GABRA3: variants seen among roughly 807,000 people sequenced by gnomAD.
GABRA3 encodes the protein gamma-aminobutyric acid receptor subunit alpha-3.
GABRA3 carries 10 observed loss-of-function variants against 30.1 expected under a neutral mutation model. The observed-to-expected ratio is 0.33, with a 90% confidence interval of 0.20 to 0.56. The LOEUF (loss-of-function observed/expected upper bound fraction) is 0.56, where lower values mean the gene tolerates loss of function less well. Among genes scored for constraint, GABRA3 ranks in the 20% least tolerant of loss-of-function variants. The probability of loss-of-function intolerance (pLI) is 0.89; values close to 1 mark genes in which losing one functional copy is unlikely to be tolerated. For synonymous variants in GABRA3, 151 were observed against 146.8 expected (o/e 1.03, Z -0.21); for missense variants, 233 against 392.0 (o/e 0.59, Z 3.42).
intron 2 of GABRA3, among the ~76,000 whole-genome samples, chrX:152,346,423 A>G (rs912654059): frequency 2.7e-5 from 3 of 111,712 alleles, no homozygotes; most frequent in Admixed American, 9.5e-5. Context: ...CCAGGACATC[A>G]GTCTGGGCAA....
At chrX:152,444,758 G>GTT (rs1931030631) in intron 1 of GABRA3, among the ~76,000 whole-genome samples, 1 of 59,119 alleles carries the variant, frequency 1.7e-5, no homozygotes, top group Non-Finnish European at 3.0e-5. Context: ...GTTTTTTTTT[G>GTT]TTTGTTTGTT....
intron 5 of GABRA3, among the ~76,000 whole-genome samples, chrX:152,232,557 C>G (rs758904446): frequency 9.1e-6 from 1 of 109,338 alleles, no homozygotes; most frequent in East Asian, 2.9e-4. Flanking sequence ...AGGTAACGAC[C>G]TCCAATTGCA....
intron 1 of GABRA3, among the ~76,000 whole-genome samples, chrX:152,434,153 G>C (rs1930718563): frequency 1.8e-5 from 2 of 111,304 alleles, no homozygotes; most frequent in Non-Finnish European, 3.8e-5. Flanking sequence ...TGTTGCCAAA[G>C]GAGATTAACA....
intron 1 of GABRA3, among the ~76,000 whole-genome samples, chrX:152,401,709 G>A (rs1929801197): frequency 9.0e-6 from 1 of 111,496 alleles, no homozygotes; most frequent in African/African-American, 3.3e-5. Context: ...CTTTTTGCTC[G>A]AGTTGTTGTT....
intron 6 of GABRA3, among the ~76,000 whole-genome samples, chrX:152,221,715 T>A (rs1337467143): frequency 8.9e-6 from 1 of 112,000 alleles, no homozygotes; most frequent in Non-Finnish European, 1.9e-5. Context: ...TTGCAATTTC[T>A]TTTATTAACT....
At chrX:152,387,497 A>G (rs927820594) in intron 1 of GABRA3, among the ~76,000 whole-genome samples, 3 of 111,696 alleles carry the variant, frequency 2.7e-5, no homozygotes, top group Non-Finnish European at 3.8e-5. Flanking sequence ...CCACAATGTT[A>G]TAGCTGTTGA....
chrX:152,284,150 G>A (rs891540073), intron 4 of GABRA3, among the ~76,000 whole-genome samples: 2 of 111,327 alleles, frequency 1.8e-5, no homozygotes, highest in Non-Finnish European at 3.8e-5. Flanking sequence ...CTCTCTCCAT[G>A]CCCAAATCTG....
chrX:152,239,730 T>A (rs1404956993), intron 5 of GABRA3, among the ~76,000 whole-genome samples: 1 of 101,177 alleles, frequency 9.9e-6, no homozygotes, highest in Non-Finnish European at 2.0e-5. Context: ...GTTGAATTGA[T>A]CCCTTTACCA....
At chrX:152,346,264 G>A (rs753872893) in intron 2 of GABRA3, among the ~76,000 whole-genome samples, 11 of 111,458 alleles carry the variant, frequency 9.9e-5, no homozygotes, top group African/African-American at 3.6e-4. Context: ...AATAAACGGT[G>A]CTGGGAAAAC....
At chrX:152,219,313 C>T (rs917675898) in intron 6 of GABRA3, among the ~76,000 whole-genome samples, 1 of 110,609 alleles carries the variant, frequency 9.0e-6, no homozygotes, top group Non-Finnish European at 1.9e-5. Context: ...AATCAGCACC[C>T]AGGAGTATCA....
At chrX:152,182,663 G>A (rs866308058) in intron 9 of GABRA3, among the ~76,000 whole-genome samples, 1 of 75,101 alleles carries the variant, frequency 1.3e-5, no homozygotes, top group Non-Finnish European at 2.5e-5. Flanking sequence ...CATATATAGT[G>A]TATATATACA....
intron 5 of GABRA3, among the ~76,000 whole-genome samples, chrX:152,226,705 A>G (rs1937962824): frequency 8.9e-6 from 1 of 111,843 alleles, no homozygotes; most frequent in Non-Finnish European, 1.9e-5. Flanking sequence ...AAACAACCCC[A>G]TCAACAAGTG....
At chrX:152,394,502 T>C (rs1929598028) in intron 1 of GABRA3, 2 of 386,863 alleles carry the variant, frequency 5.2e-6, no homozygotes, top group Non-Finnish European at 5.2e-6. Flanking sequence ...ACACAGAAGA[T>C]CTGCAACATG....
At chrX:152,267,513 A>G (rs1281428641) in intron 4 of GABRA3, among the ~76,000 whole-genome samples, 2 of 111,505 alleles carry the variant, frequency 1.8e-5, no homozygotes, top group Non-Finnish European at 3.8e-5. Flanking sequence ...TTGGGGTAAC[A>G]TTGGCCTTGT....
At chrX:152,400,924 A>G (rs1388974773) in intron 1 of GABRA3, among the ~76,000 whole-genome samples, 1 of 111,656 alleles carries the variant, frequency 9.0e-6, no homozygotes, top group Non-Finnish European at 1.9e-5. Context: ...AACAGCCAGC[A>G]AGGAAACAAG....
chrX:152,387,356 G>A (rs1315448784), intron 1 of GABRA3, among the ~76,000 whole-genome samples: 1 of 111,184 alleles, frequency 9.0e-6, no homozygotes, highest in Non-Finnish European at 1.9e-5. Context: ...TTCAAAAACA[G>A]CAAAACTAAA....
At chrX:152,220,626 CCAAA>C (rs1287247659) in intron 6 of GABRA3, among the ~76,000 whole-genome samples, 4 of 111,812 alleles carry the variant, frequency 3.6e-5, no homozygotes, top group South Asian at 3.7e-4. Context: ...TTAAATAGCA[CCAAA>C]CAATTTTCCA....
intron 1 of GABRA3, among the ~76,000 whole-genome samples, chrX:152,444,869 G>A (rs1384515819): frequency 1.3e-4 from 12 of 92,815 alleles, no homozygotes; most frequent in South Asian, 5.5e-4. Flanking sequence ...AGACCATCCC[G>A]GCTAAAACGG....
intron 9 of GABRA3, among the ~76,000 whole-genome samples, chrX:152,173,914 A>G (rs1256607736): frequency 9.1e-6 from 1 of 110,051 alleles, no homozygotes; most frequent in African/African-American, 3.3e-5. Flanking sequence ...AGCATTAGGT[A>G]TATCTCCTAA....
Sources: allele counts gnomAD v4.1 joint callset (sites outside exome capture counted in the v4.1 genomes callset), GRCh38; gene constraint gnomAD v4.1.1; transcripts MANE v1.5; gene names NCBI Gene and HGNC (gene_info 2026-07-23, HGNC 2026-07-21).